Variants in XPO7 observed in about 807,000 individuals in gnomAD.
XPO7 encodes exportin-7.
XPO7 carries 21 observed loss-of-function variants against 144.3 expected under a neutral mutation model. The ratio of observed to expected loss-of-function variants is 0.15; its 90% CI spans 0.10 to 0.21. XPO7 has a LOEUF of 0.21. Ranked by LOEUF, XPO7 falls within the 10% of genes least tolerant of loss-of-function variation. The pLI is 1.00. For missense variants in XPO7, 808 were observed against 1,325.8 expected (o/e 0.61, Z 6.06); for synonymous variants, 580 against 499.6 (o/e 1.16, Z -2.15).
At chr8:21,944,459 C>T (rs1198102875) in intron 1 of XPO7, among the ~76,000 whole-genome samples, 1 of 151,892 alleles carries the variant, frequency 6.6e-6, no homozygotes, top group South Asian at 2.1e-4. Context: ...CCCAGCTACT[C>T]GGGAGGCTGA....
At chr8:21,995,418 C>G in intron 20 of XPO7, 74 bp from the exon 21 acceptor site, 1 of 1,329,206 alleles carries the variant, frequency 7.5e-7, no homozygotes. Flanking sequence ...TTTTGCTTGG[C>G]TAGTGCTGAA....
chr8:21,977,307 G>T (rs536085466), intron 7 of XPO7, among the ~76,000 whole-genome samples: 2 of 152,300 alleles, frequency 1.3e-5, no homozygotes, highest in African/African-American at 4.8e-5. Flanking sequence ...GAGGCCGGGC[G>T]TGGTGGCTCA....
rs1307949289 is a variant in XPO7 at position 21,974,657 on chromosome 8, T to C, written c.493-13T>C. ...ATTAATTCTTTGCATTGGTTTCTTCTTTTTCTGCACAGGCAGACACCACCC... is the reference window on the plus strand; with the variant it reads ...ATTAATTCTTTGCATTGGTTTCTTCCTTTTCTGCACAGGCAGACACCACCC... On this transcript the variant is annotated splice_polypyrimidine_tract_variant and intron_variant, in intron 5 of 27. Transcript: ENST00000252512. 3 of 1,547,174 alleles carry C rather than the reference T, an allele frequency of 1.9e-6. No homozygotes were observed. Among genetic ancestry groups the C allele is most frequent in the East Asian group, 4.6e-5 (2 of 43,426 alleles).
At chr8:21,999,750 G>C (rs1242208706) in intron 24 of XPO7, 76 bp downstream of exon 24, 1 of 1,577,240 alleles carries the variant, frequency 6.3e-7, no homozygotes, top group East Asian at 2.2e-5. Flanking sequence ...AGAGAATCTT[G>C]CCCCAGTGTC....
rs761510329 is a variant in XPO7, at chr8:22,003,211, A to G, written c.2944-8A>G. On this transcript the variant is annotated splice_polypyrimidine_tract_variant and splice_region_variant and intron_variant, in intron 25 of 27. Coordinates refer to ENST00000252512, the MANE Select transcript of XPO7 (RefSeq NM_015024.5). ...GTCACTGCCTGAAATTCTCCATTCC[A>G]TTTTCAGATGCTGTCCACGGTGCTG... 1.9e-6 allele frequency: 3 copies of G among 1,605,094 alleles called. No homozygotes were observed. Among genetic ancestry groups the G allele is most frequent in the Non-Finnish European group, 2.6e-6 (3 of 1,176,064 alleles).
intron 1 of XPO7, among the ~76,000 whole-genome samples, chr8:21,944,881 C>G (rs981225809): frequency 1.6e-4 from 24 of 152,120 alleles, no homozygotes; most frequent in Non-Finnish European, 3.1e-4. Context: ...TCCATTTAAC[C>G]CTTAGTGGAC....
intron 1 of XPO7, among the ~76,000 whole-genome samples, chr8:21,947,134 A>G (rs1318512883): frequency 6.6e-6 from 1 of 152,272 alleles, no homozygotes; most frequent in Admixed American, 6.5e-5. Flanking sequence ...AAATCTAAAC[A>G]TCGTATGACA....
Position 21,982,738 on chromosome 8 carries a change from G to A in XPO7, c.1203G>A (p.Met401Ile). 6.2e-7 allele frequency: 1 copy of A among 1,613,926 alleles called. No homozygotes were observed. The highest frequency in any genetic ancestry group is 8.5e-7 in the Non-Finnish European group (1 of 1,179,882). Reference sequence around the variant, plus strand: ...ATGTCAAAGCCACAGAGCCCCACATGCTGGAAACTTACACTCCTGAGGTCA... The same window carrying A: ...ATGTCAAAGCCACAGAGCCCCACATACTGGAAACTTACACTCCTGAGGTCA... ...VPYVKATEPHMLETYTPEVTK... is the reference protein window; with the variant it reads ...VPYVKATEPHILETYTPEVTK... The change falls in exon 11 of 28, where the codon ATG (methionine) becomes ATA (isoleucine). Residue 401 changes from methionine (M) to isoleucine (I), a missense_variant. Physicochemically the swap from Met to Ile is conservative, Grantham distance 10. Around this residue, in one of 5 missense-constraint regions of XPO7, gnomAD observed 416 missense variants for 612.5 expected, o/e 0.68. Transcript: ENST00000252512.
At chr8:21,934,875 A>G (rs920524437) in intron 1 of XPO7, among the ~76,000 whole-genome samples, 5 of 152,358 alleles carry the variant, frequency 3.3e-5, no homozygotes, top group Non-Finnish European at 5.9e-5. Context: ...CATCTTGACT[A>G]TGATTTTCAG....
At position 21,999,620 on chromosome 8, in the gene XPO7, C is replaced by G. The variant is rs889536199; in HGVS notation, c.2728C>G (p.Pro910Ala). 3.1e-6 allele frequency: 5 copies of G among 1,614,006 alleles called. No individual in the cohort carries two copies. The highest frequency in any genetic ancestry group is 4.2e-6 in the Non-Finnish European group (5 of 1,179,892). ...DHMNFIASLE[P>A]HVIMYILSSI... ...TATGAACTTTATTGCAAGCCTGGAACCTCACGTCATCATGTATATTCTCTC... is the reference window on the plus strand; with the variant it reads ...TATGAACTTTATTGCAAGCCTGGAAGCTCACGTCATCATGTATATTCTCTC... The change falls in exon 24 of 28, where the codon CCT (proline) becomes GCT (alanine). Residue 910 changes from proline (P) to alanine (A), a missense_variant. Physicochemically the swap from Pro to Ala is conservative, Grantham distance 27. Transcript: ENST00000252512.
chr8:21,959,054 C>G (rs1160608687), intron 1 of XPO7, among the ~76,000 whole-genome samples: 4 of 151,974 alleles, frequency 2.6e-5, no homozygotes, highest in African/African-American at 9.7e-5. Flanking sequence ...ACCACTCTGT[C>G]CACGTGCATG....
chr8:21,938,159 A>G (rs1051187349), intron 1 of XPO7, among the ~76,000 whole-genome samples: 1 of 152,214 alleles, frequency 6.6e-6, no homozygotes, highest in Non-Finnish European at 1.5e-5. Context: ...AAACAGATTT[A>G]CAGATTTAAA....
intron 1 of XPO7, among the ~76,000 whole-genome samples, chr8:21,944,558 C>T (rs1012668718): frequency 1.3e-4 from 20 of 151,914 alleles, no homozygotes; most frequent in African/African-American, 4.8e-4. Flanking sequence ...CAGAGTGAGA[C>T]GCCATCTCAG....
At chr8:21,936,263 T>C (rs1206112179) in intron 1 of XPO7, among the ~76,000 whole-genome samples, 1 of 152,184 alleles carries the variant, frequency 6.6e-6, no homozygotes, top group African/African-American at 2.4e-5. Flanking sequence ...TGTGGATCAC[T>C]GATAATTATT....
intron 1 of XPO7, among the ~76,000 whole-genome samples, chr8:21,959,467 G>T (rs889534199): frequency 4.6e-5 from 7 of 152,198 alleles, no homozygotes; most frequent in Non-Finnish European, 1.0e-4. Context: ...AGACGGAGGA[G>T]TAGGGATTTG....
At position 21,999,175 on chromosome 8, in the gene XPO7, T is replaced by C. The variant is rs781101840; in HGVS notation, c.2513T>C (p.Met838Thr). Residue 838 changes from methionine to threonine, a missense_variant, in exon 23 of 28, where the codon ATG becomes ACG. By Grantham distance (81) the Met-to-Thr change is moderately conservative. This residue lies in a region of XPO7 where 416 missense variants were observed against 612.5 expected (regional missense o/e 0.68). Transcript: ENST00000252512. ...AAGGGCATCTCCATCTGCTTCTCCATGCTGAAGGCTGCTCTCAGTGGGAGT... is the reference window on the plus strand; with the variant it reads ...AAGGGCATCTCCATCTGCTTCTCCACGCTGAAGGCTGCTCTCAGTGGGAGT... ...KLKGISICFSMLKAALSGSYV... is the reference protein window; with the variant it reads ...KLKGISICFSTLKAALSGSYV... 1.2e-6 allele frequency: 2 copies of C among 1,614,010 alleles called. No homozygotes were observed. Among genetic ancestry groups the C allele is most frequent in the South Asian group, 1.1e-5 (1 of 91,072 alleles).
intron 1 of XPO7, among the ~76,000 whole-genome samples, chr8:21,931,933 C>T (rs540514928): frequency 3.3e-5 from 5 of 152,204 alleles, no homozygotes; most frequent in East Asian, 1.9e-4. Context: ...AGTGCAGTGG[C>T]GCGGTCTTGG....
intron 1 of XPO7, among the ~76,000 whole-genome samples, chr8:21,920,345 C>G (rs1445806180): frequency 6.6e-6 from 1 of 152,138 alleles, no homozygotes. Flanking sequence ...GCCCTTCCCT[C>G]CGACACTCCA....
intron 1 of XPO7, among the ~76,000 whole-genome samples, chr8:21,957,870 C>A (rs893237457): frequency 1.3e-5 from 2 of 151,968 alleles, no homozygotes; most frequent in African/African-American, 2.4e-5. Context: ...ACTGTAAGGT[C>A]CTTTCCGGGT....
Sources: allele counts gnomAD v4.1 joint callset (sites outside exome capture counted in the v4.1 genomes callset), GRCh38; gene constraint gnomAD v4.1.1; regional missense constraint gnomAD v4.1.1; transcripts MANE v1.5; gene names NCBI Gene and HGNC (gene_info 2026-07-23, HGNC 2026-07-21).